The following NLGN1 variants were observed in gnomAD, a reference collection of about 807,000 sequenced individuals.
NLGN1 encodes neuroligin 1.
In NLGN1, 12 loss-of-function variants were observed where a neutral mutation model predicts 65.5. The observed-to-expected ratio is 0.18, with a 90% CI of 0.12 to 0.30. The LOEUF is 0.30. Among genes scored for constraint, NLGN1 ranks in the 10% least tolerant of loss-of-function variants. The pLI is 1.00. For synonymous variants in NLGN1, 350 were observed against 359.5 expected (o/e 0.97, Z 0.30); for missense variants, 750 against 1,007.1 (o/e 0.74, Z 3.46).
intron 4 of NLGN1, among the ~76,000 whole-genome samples, chr3:174,143,015 G>A (rs1267217265): frequency 6.6e-6 from 1 of 152,054 alleles, no homozygotes; most frequent in Non-Finnish European, 1.5e-5. Flanking sequence ...AGAGAACGAG[G>A]AGGTCTCAGA....
intron 4 of NLGN1, among the ~76,000 whole-genome samples, chr3:173,820,741 G>A (rs1720125120): frequency 1.3e-5 from 2 of 152,088 alleles, no homozygotes; most frequent in South Asian, 4.1e-4. Flanking sequence ...TCGGACCATG[G>A]TTGACCAGAG....
At chr3:173,617,071 T>G (rs1263871648) in intron 3 of NLGN1, among the ~76,000 whole-genome samples, 1 of 152,138 alleles carries the variant, frequency 6.6e-6, no homozygotes, top group African/African-American at 2.4e-5. Context: ...TCAGGACCCT[T>G]GCACATGCTG....
intron 4 of NLGN1, among the ~76,000 whole-genome samples, chr3:174,062,472 C>G (rs554297900): frequency 6.6e-6 from 1 of 152,008 alleles, no homozygotes; most frequent in African/African-American, 2.4e-5. Context: ...ATAATAATCT[C>G]AACATCTTTT....
intron 4 of NLGN1, among the ~76,000 whole-genome samples, chr3:174,024,782 A>G (rs1728523177): frequency 6.6e-6 from 1 of 152,204 alleles, no homozygotes; most frequent in Admixed American, 6.5e-5. Flanking sequence ...CTGCTCATTG[A>G]CAATATAAAA....
chr3:173,905,659 G>A (rs980930217), intron 4 of NLGN1, among the ~76,000 whole-genome samples: 1 of 152,102 alleles, frequency 6.6e-6, no homozygotes, highest in African/African-American at 2.4e-5. Context: ...ACATCACTTG[G>A]GGCATTTCAA....
At chr3:173,397,388 G>A (rs1716786144), upstream of NLGN1, among the ~76,000 whole-genome samples, 1 of 152,234 alleles carries the variant, frequency 6.6e-6, no homozygotes, top group Admixed American at 6.5e-5. Context: ...GTTTTCAAAC[G>A]TGACCTTTTG....
chr3:173,792,912 T>G (rs1713135958), intron 3 of NLGN1, among the ~76,000 whole-genome samples: 1 of 152,126 alleles, frequency 6.6e-6, no homozygotes, highest in African/African-American at 2.4e-5. Flanking sequence ...TCAAAACTAG[T>G]GTTAAACCAT....
At chr3:174,137,445 C>G (rs563160049) in intron 4 of NLGN1, among the ~76,000 whole-genome samples, 3 of 152,182 alleles carry the variant, frequency 2.0e-5, no homozygotes, top group African/African-American at 7.2e-5. Flanking sequence ...AATTAACTAG[C>G]CATATGACCT....
chr3:174,202,382 G>A (rs1707118221), intron 4 of NLGN1, among the ~76,000 whole-genome samples: 1 of 151,778 alleles, frequency 6.6e-6, no homozygotes, highest in Non-Finnish European at 1.5e-5. Flanking sequence ...TGGCCTTTCT[G>A]TCTGCCAGCC....
intron 4 of NLGN1, among the ~76,000 whole-genome samples, chr3:173,819,285 A>G (rs1015976414): frequency 6.6e-6 from 1 of 152,036 alleles, no homozygotes; most frequent in East Asian, 1.9e-4. Context: ...TCATATGCCA[A>G]TTGCATCCCA....
At chr3:173,970,007 C>G (rs1715841415) in intron 4 of NLGN1, among the ~76,000 whole-genome samples, 1 of 151,488 alleles carries the variant, frequency 6.6e-6, no homozygotes, top group Non-Finnish European at 1.5e-5. Context: ...TATACTAGTT[C>G]ACTTATATGC....
chr3:173,778,912 T>C (rs1188771556), intron 3 of NLGN1, among the ~76,000 whole-genome samples: 1 of 151,556 alleles, frequency 6.6e-6, no homozygotes, highest in African/African-American at 2.4e-5. Context: ...GTAAAATTTT[T>C]CTTACAGAGC....
At chr3:174,142,861 G>T (rs1484062844) in intron 4 of NLGN1, among the ~76,000 whole-genome samples, 1 of 152,138 alleles carries the variant, frequency 6.6e-6, no homozygotes, top group African/African-American at 2.4e-5. Context: ...ATAAAGAAAA[G>T]AGGTTTATTT....
At chr3:173,532,396 C>T (rs1264856518) in intron 2 of NLGN1, among the ~76,000 whole-genome samples, 1 of 152,126 alleles carries the variant, frequency 6.6e-6, no homozygotes, top group Non-Finnish European at 1.5e-5. Context: ...CTTCATATTC[C>T]TAATGTTCTA....
intron 4 of NLGN1, among the ~76,000 whole-genome samples, chr3:173,887,248 A>G (rs1231691396): frequency 1.3e-5 from 2 of 151,982 alleles, no homozygotes; most frequent in African/African-American, 2.4e-5. Flanking sequence ...AAATGCTTTC[A>G]TTTGGGGAGA....
chr3:174,068,338 C>A (rs1362124614), intron 4 of NLGN1, among the ~76,000 whole-genome samples: 1 of 152,106 alleles, frequency 6.6e-6, no homozygotes, highest in Non-Finnish European at 1.5e-5. Context: ...GCCCAGTATG[C>A]TAGATATTCT....
chr3:174,192,385 C>G (rs1200799543), intron 4 of NLGN1, among the ~76,000 whole-genome samples: 2 of 152,136 alleles, frequency 1.3e-5, no homozygotes, highest in Non-Finnish European at 2.9e-5. Flanking sequence ...TACCTTTCAA[C>G]TAGTTGCTTC....
chr3:174,092,723 G>C (rs543909344), intron 4 of NLGN1, among the ~76,000 whole-genome samples: 21 of 152,214 alleles, frequency 1.4e-4, no homozygotes, highest in Admixed American at 9.2e-4. Context: ...TCCAATGCAT[G>C]ACAATACTGG....
intron 4 of NLGN1, among the ~76,000 whole-genome samples, chr3:173,901,915 A>C (rs1737455677): frequency 6.6e-6 from 1 of 152,060 alleles, no homozygotes; most frequent in Non-Finnish European, 1.5e-5. Context: ...CTTCAGACAC[A>C]TTTTGCTTGT....
Sources: allele counts gnomAD v4.1 joint callset (sites outside exome capture counted in the v4.1 genomes callset), GRCh38; gene constraint gnomAD v4.1.1; transcripts MANE v1.5; gene names NCBI Gene and HGNC (gene_info 2026-07-23, HGNC 2026-07-21).